CNOT6: variants seen among roughly 807,000 people sequenced by gnomAD.
The protein encoded by CNOT6 is carbon catabolite repression 4 protein.
Under a neutral mutation model 61.2 loss-of-function variants are expected in CNOT6, and 12 were observed. The observed-to-expected ratio is 0.20, with a 90% CI of 0.13 to 0.32. The LOEUF (loss-of-function observed/expected upper bound fraction) is 0.32. CNOT6 is among the 10% of genes least tolerant of loss of function. The pLI is 1.00. For missense variants in CNOT6, 405 were observed against 663.9 expected, an observed-to-expected ratio of 0.61 and a Z score of 4.28; for synonymous variants, 225 against 240.6, an observed-to-expected ratio of 0.94 and a Z score of 0.60.
intron 1 of CNOT6, among the ~76,000 whole-genome samples, chr5:180,513,929 C>G (rs942988602): frequency 2.0e-5 from 3 of 151,580 alleles, no homozygotes; most frequent in Non-Finnish European, 4.4e-5. Context: ...GTCTCGATCT[C>G]CTGACCTCAT....
chr5:180,533,516 T>A (rs1398576209), intron 2 of CNOT6, among the ~76,000 whole-genome samples: 1 of 151,700 alleles, frequency 6.6e-6, no homozygotes, highest in Non-Finnish European at 1.5e-5. Flanking sequence ...GCTCATGTGA[T>A]CCTCCCACCT....
At position 180,577,633 on chromosome 5, in the gene CNOT6, A is replaced by T. The variant is rs897852173; in HGVS notation, c.*3433A>T. On this transcript the variant is annotated 3_prime_UTR_variant, in exon 12 of 12. Transcript: ENST00000261951. ...ATTTTAATAACTGGTATGTTGAAGT[A>T]GTGTCTAAAAGTATCTAGTCTTTAT... 1 of 152,664 alleles carries T rather than the reference A, an allele frequency of 6.6e-6. No individual in the cohort carries two copies. The highest frequency in any genetic ancestry group is 1.5e-5 in the Non-Finnish European group (1 of 68,044). The allele number at this position is 152,664 out of a possible 1,614,324, so 9.5% of individuals were successfully genotyped here.
At chr5:180,546,410 AGCGATAACTCTTC>A (rs1463200726) in intron 2 of CNOT6, among the ~76,000 whole-genome samples, 1 of 151,928 alleles carries the variant, frequency 6.6e-6, no homozygotes, top group Non-Finnish European at 1.5e-5. Context: ...TTTGACTTTT[AGCGATAACTCTTC>A]GATTTATTAG....
At chr5:180,511,110 G>A (rs1364121286) in intron 1 of CNOT6, among the ~76,000 whole-genome samples, 1 of 152,000 alleles carries the variant, frequency 6.6e-6, no homozygotes, top group Non-Finnish European at 1.5e-5. Flanking sequence ...CAGACAGGCA[G>A]GTTTTTTTTG....
At chr5:180,564,284 CATT>C (rs1204399442) in intron 4 of CNOT6, among the ~76,000 whole-genome samples, 3 of 152,168 alleles carry the variant, frequency 2.0e-5, no homozygotes, top group Non-Finnish European at 4.4e-5. Flanking sequence ...AGCCCATTAA[CATT>C]ATGTTTTGAA....
At chr5:180,526,639 G>A (rs928433584) in intron 1 of CNOT6, among the ~76,000 whole-genome samples, 2 of 152,164 alleles carry the variant, frequency 1.3e-5, no homozygotes, top group African/African-American at 4.8e-5. Flanking sequence ...AATGATTGCT[G>A]ACTGGCTCAC....
chr5:180,561,699 C>A (rs900454997), intron 4 of CNOT6, among the ~76,000 whole-genome samples: 1 of 152,308 alleles, frequency 6.6e-6, no homozygotes, highest in Middle Eastern at 3.4e-3. Flanking sequence ...ACTTGGCCTT[C>A]GCTGACACCT....
rs1322581401 is a variant in CNOT6 at position 180,558,523 on chromosome 5, A to AAAC, written c.385+5054_385+5055insCAA. Among the ~76,000 whole-genome samples, 7 of 147,862 alleles carry AAAC rather than the reference A, an allele frequency of 4.7e-5. No homozygotes were observed. In the South Asian group the frequency reaches 1.1e-3, roughly 22 times the overall value. On this transcript the variant is annotated intron_variant, in intron 4 of 11. Transcript: ENST00000261951. ...GCAGAAACACCTTAAAAAAAAAAAC[A>AAAC]AAAAACCTGCTATTGCTTTTTAGAC...
At chr5:180,531,230 G>T (rs553820569) in intron 2 of CNOT6, among the ~76,000 whole-genome samples, 101 of 148,944 alleles carry the variant, frequency 6.8e-4, no homozygotes, top group African/African-American at 2.4e-3. Flanking sequence ...TTCCCAGACG[G>T]GGCGGCTGCC....
intron 4 of CNOT6, among the ~76,000 whole-genome samples, chr5:180,563,443 C>T (rs1253018786): frequency 6.6e-6 from 1 of 151,780 alleles, no homozygotes; most frequent in Non-Finnish European, 1.5e-5. Context: ...GAGGTTTCAC[C>T]GTGTTAGCCA....
Position 180,550,536 on chromosome 5 carries a change from A to G in CNOT6, c.299+419A>G, listed in dbSNP as rs568023860. On this transcript the variant is annotated intron_variant, in intron 3 of 11. Coordinates refer to ENST00000261951, the MANE Select transcript of CNOT6 (RefSeq NM_001370472.1). ...TATTTGAATAAAAGGAAACATAACT[A>G]TATCCTTTATAACTTTATAGTTTTG... Among the ~76,000 whole-genome samples, 13 of 152,340 alleles carry G rather than the reference A, an allele frequency of 8.5e-5. No individual in the cohort carries two copies. In the South Asian group the frequency reaches 2.5e-3, roughly 29 times the overall value.
intron 1 of CNOT6, among the ~76,000 whole-genome samples, chr5:180,509,573 C>T (rs1757286889): frequency 6.6e-6 from 1 of 151,838 alleles, no homozygotes; most frequent in Non-Finnish European, 1.5e-5. Context: ...TGCGCCACCA[C>T]ACCTGGCTAA....
intron 4 of CNOT6, among the ~76,000 whole-genome samples, chr5:180,560,146 C>T (rs927931526): frequency 3.9e-5 from 6 of 152,038 alleles, no homozygotes; most frequent in Admixed American, 6.6e-5. Flanking sequence ...GAGGTTTCAC[C>T]ATGTTGGTCA....
chr5:180,494,885 C>T (rs1044211540), intron 1 of CNOT6, 122 bp downstream of exon 1: 8 of 152,040 alleles, frequency 5.3e-5, no homozygotes, highest in African/African-American at 1.7e-4. Flanking sequence ...GGCGGTCCCG[C>T]TGCTCCGCAA....
In CNOT6 at chr5:180,552,485, CAA is replaced by C. The variant is rs74636591; in HGVS notation, c.300-891_300-890del. Among the ~76,000 whole-genome samples the C allele has an allele frequency of 3.7e-4, 53 of 144,542 alleles. 1 individual carries two copies. In the East Asian group the frequency reaches 8.9e-3, roughly 24 times the overall value. The allele number at this position is 144,542 out of a possible 152,430, so 94.8% of individuals were successfully genotyped here. On this transcript the variant is annotated intron_variant, in intron 3 of 11. Coordinates refer to ENST00000261951, the MANE Select transcript of CNOT6 (RefSeq NM_001370472.1). ...TGAAACCCCGTCTCTACTAAAAATA[CAA>C]AAAAAAAAATTAGCTGGGTGTGGTG...
chr5:180,570,201 T>C (rs1252745176), intron 10 of CNOT6, among the ~76,000 whole-genome samples: 4 of 151,836 alleles, frequency 2.6e-5, no homozygotes, highest in Admixed American at 1.3e-4. Flanking sequence ...GTACTGAAAA[T>C]ACAAAAATTA....
At chr5:180,550,588 A>T (rs1413123663) in intron 3 of CNOT6, among the ~76,000 whole-genome samples, 2 of 152,244 alleles carry the variant, frequency 1.3e-5, no homozygotes, top group Non-Finnish European at 2.9e-5. Flanking sequence ...ATGTCAGCTA[A>T]TAATAAATTA....
chr5:180,506,845 A>T (rs1362445712), intron 1 of CNOT6, among the ~76,000 whole-genome samples: 2 of 152,212 alleles, frequency 1.3e-5, no homozygotes, highest in African/African-American at 2.4e-5. Flanking sequence ...CTTTAAATTC[A>T]TATAAGCATT....
At chr5:180,515,267 A>G (rs1213615093) in intron 1 of CNOT6, among the ~76,000 whole-genome samples, 1 of 150,766 alleles carries the variant, frequency 6.6e-6, no homozygotes, top group Non-Finnish European at 1.5e-5. Context: ...AAAAAAAAAA[A>G]GAAAGAAAAA....
Sources: allele counts gnomAD v4.1 joint callset (sites outside exome capture counted in the v4.1 genomes callset), GRCh38; gene constraint gnomAD v4.1.1; transcripts MANE v1.5; gene names NCBI Gene and HGNC (gene_info 2026-07-23, HGNC 2026-07-21).